Variants in MEPCE observed in about 807,000 individuals in gnomAD.
MEPCE encodes methylphosphate capping enzyme.
In MEPCE, 9 loss-of-function variants were observed where a neutral mutation model predicts 52.3. The observed-to-expected ratio is 0.17, with a 90% confidence interval of 0.10 to 0.30. The LOEUF is 0.30. Among genes scored for constraint, MEPCE ranks in the 10% least tolerant of loss-of-function variants. The pLI is 1.00. For missense variants in MEPCE, 826 were observed against 933.0 expected, an observed-to-expected ratio of 0.89 and a Z score of 1.49; for synonymous variants, 477 against 401.6, an observed-to-expected ratio of 1.19 and a Z score of -2.25.
In MEPCE at chr7:100,433,492, C is replaced by T. The variant is rs772272730; in HGVS notation, c.2018-10C>T. The T allele has an allele frequency of 6.2e-7, 1 of 1,614,076 alleles. No individual in the cohort carries two copies. Among genetic ancestry groups the T allele is most frequent in the Non-Finnish European group, 8.5e-7 (1 of 1,179,990 alleles). The stretch of plus-strand genomic sequence containing the variant: ...TGCCAACCCCTTCTGATCACTCTCT[C>T]TCCCCTCAGGCTTCCAGCGTCCTGT... On this transcript the variant is annotated splice_polypyrimidine_tract_variant and intron_variant, in intron 3 of 3. Transcript: ENST00000310512.
chr7:100,428,914 G>C (rs1163826951), upstream of MEPCE: 3 of 152,422 alleles, frequency 2.0e-5, no homozygotes, highest in Non-Finnish European at 2.9e-5. Flanking sequence ...AGGTGATTGC[G>C]ATTGGGGGAA....
rs1798792072 is a variant in MEPCE at position 100,433,712 on chromosome 7, C to T, written c.*158C>T. On this transcript the variant is annotated 3_prime_UTR_variant, in exon 4 of 4. Transcript: ENST00000310512. ...GCTTTTCTTCCGTCGCTGCCTCAGC[C>T]TCCTCCCTATGCCTCTGGCACCTGC... is the stretch of plus-strand genomic sequence containing the variant. 1.3e-6 allele frequency: 1 copy of T among 747,536 alleles called. No individual in the cohort carries two copies. Among genetic ancestry groups the T allele is most frequent in the Admixed American group, 2.6e-5 (1 of 38,298 alleles). The allele number at this position is 747,536 out of a possible 1,614,324, so 46.3% of individuals were successfully genotyped here.
upstream of MEPCE, chr7:100,429,450 C>T (rs1193702298): frequency 2.0e-5 from 3 of 152,278 alleles, no homozygotes; most frequent in Non-Finnish European, 2.9e-5. Flanking sequence ...GAGACTCATT[C>T]CTCAGGAACA....
At position 100,430,022 on chromosome 7, in the gene MEPCE, A is replaced by G; in HGVS notation, c.4A>G (p.Ile2Val). Residue 2 changes from isoleucine (I) to valine (V), a missense_variant, in exon 1 of 4, where the codon ATC becomes GTC. This residue lies in a region of MEPCE where 314 missense variants were observed against 277.7 expected (regional missense o/e 1.13). Coordinates refer to ENST00000310512, the MANE Select transcript of MEPCE (RefSeq NM_019606.6). The stretch of plus-strand genomic sequence containing the variant: ...TGGCACGGAATAAGGGGAGGAAATG[A>G]TCGAGATGGCGGCGGAGAAGGAGCC... M[I>V]EMAAEKEPFL... is the part of the protein sequence containing the mutation. 4 of 1,269,880 alleles carry G rather than the reference A, an allele frequency of 3.1e-6. No homozygotes were observed. The highest frequency in any genetic ancestry group is 4.0e-6 in the Non-Finnish European group (4 of 1,008,400). The allele number at this position is 1,269,880 out of a possible 1,614,324, so 78.7% of individuals were successfully genotyped here. A position where few individuals can be genotyped will look rare whatever the true frequency, so the allele number is the denominator to read the frequency against.
chr7:100,429,855 G>C lies in MEPCE; in HGVS notation c.-164G>C. 1.9e-6 allele frequency: 1 copy of C among 521,686 alleles called. No homozygotes were observed. The highest frequency in any genetic ancestry group is 3.5e-5 in the East Asian group (1 of 28,490). 32.3% of individuals were successfully genotyped at this position (521,686 alleles called of 1,614,324 possible). On this transcript the variant is annotated 5_prime_UTR_variant, in exon 1 of 4. Coordinates refer to ENST00000310512, the MANE Select transcript of MEPCE (RefSeq NM_019606.6). ...CCTCTTGTTTTGGTCTCGCGGGCTA[G>C]TAGGGCGCACTTGGCGGGGAGGCGC...
rs779123125 is a variant in MEPCE, at chr7:100,431,002, G to T, written c.984G>T (p.Val328=). Reference sequence around the variant, plus strand: ...CAGCCATCAACTGCAGGGATGAAGTGGTGTCTCCCCTTCCATCTGCTCTGC... The same window carrying T: ...CAGCCATCAACTGCAGGGATGAAGTTGTGTCTCCCCTTCCATCTGCTCTGC... ...LNTAINCRDE[V]VSPLPSALQG... The change falls in exon 1 of 4, where the codon GTG becomes GTT. Residue 328 remains valine, a synonymous_variant. Transcript: ENST00000310512. 5.0e-6 allele frequency: 8 copies of T among 1,613,478 alleles called. No homozygotes were observed. The highest frequency in any genetic ancestry group is 1.1e-5 in the South Asian group (1 of 91,038).
In MEPCE at chr7:100,433,089, C is replaced by G; in HGVS notation, c.1842C>G (p.Val614=). The G allele has an allele frequency of 6.2e-7, 1 of 1,614,020 alleles. No individual in the cohort carries two copies. The highest frequency in any genetic ancestry group is 8.5e-7 in the Non-Finnish European group (1 of 1,180,038). Residue 614 remains valine, a synonymous_variant, in exon 2 of 4, where the codon GTC becomes GTG. Transcript: ENST00000310512. ...YRHLRPGGIL[V]LEPQPWSSYG... ...ACCTACGCCCTGGGGGCATCCTGGTCCTAGAGCCCCAACCCTGGTCGTCGT... is the reference window on the plus strand; with the variant it reads ...ACCTACGCCCTGGGGGCATCCTGGTGCTAGAGCCCCAACCCTGGTCGTCGT...
At position 100,431,126 on chromosome 7, in the gene MEPCE, A is replaced by T. The variant is rs1798681261; in HGVS notation, c.1108A>T (p.Ser370Cys). ...SRHRKRRRTSSKSEAGARGGG... is the reference protein window; with the variant it reads ...SRHRKRRRTSCKSEAGARGGG... Reference sequence around the variant, plus strand: ...ACATCGCAAACGTCGCAGGACTTCCAGCAAGTCGGAGGCAGGGGCTAGGGG... The same window carrying T: ...ACATCGCAAACGTCGCAGGACTTCCTGCAAGTCGGAGGCAGGGGCTAGGGG... Residue 370 changes from serine to cysteine, a missense_variant, in exon 1 of 4, where the codon AGC becomes TGC. By Grantham distance (112) the Ser-to-Cys change is moderately radical (BLOSUM62 -1). Transcript: ENST00000310512. 1 of 1,613,694 alleles carries T rather than the reference A, an allele frequency of 6.2e-7. No individual in the cohort carries two copies. The highest frequency in any genetic ancestry group is 2.2e-5 in the East Asian group (1 of 44,884).
chr7:100,431,323 G>C lies in MEPCE; in HGVS notation c.1305G>C (p.Arg435=), dbSNP rs1417722775. The C allele has an allele frequency of 2.5e-6, 4 of 1,614,056 alleles. No homozygotes were observed. Among genetic ancestry groups the C allele is most frequent in the Non-Finnish European group, 2.5e-6 (3 of 1,180,054 alleles). Residue 435 remains arginine, a synonymous_variant, in exon 1 of 4, where the codon CGG becomes CGC. Coordinates refer to ENST00000310512, the MANE Select transcript of MEPCE (RefSeq NM_019606.6). ...RNPSCEDGRL[R]VLKPEWFRGR... is the part of the protein sequence containing the mutation. ...CTTCCTGTGAGGATGGGCGCCTTCGGGTGTTGAAGCCTGAGTGGTTTCGGG... is the reference window on the plus strand; with the variant it reads ...CTTCCTGTGAGGATGGGCGCCTTCGCGTGTTGAAGCCTGAGTGGTTTCGGG...
intron 1 of MEPCE, 104 bp from the exon 2 acceptor site, chr7:100,432,815 G>T: frequency 9.6e-7 from 1 of 1,037,584 alleles, no homozygotes; most frequent in Non-Finnish European, 1.5e-6. Context: ...GTGGCCACGG[G>T]CTAAAGTGAG....
rs757181320 is a variant in MEPCE, at chr7:100,431,366, C to T, written c.1348C>T (p.Leu450=). Residue 450 remains leucine, a synonymous_variant, in exon 1 of 4, where the codon CTG becomes TTG. Coordinates refer to ENST00000310512, the MANE Select transcript of MEPCE (RefSeq NM_019606.6). ...GTTTCGGGGCCGGGACGTCCTAGAT[C>T]TGGGCTGCAATGTGGGCCATCTGAC... The part of the protein sequence containing the change: ...EWFRGRDVLD[L]GCNVGHLTLS... 4 of 1,614,186 alleles carry T rather than the reference C, an allele frequency of 2.5e-6. No individual in the cohort carries two copies. The highest frequency in any genetic ancestry group is 2.2e-5 in the East Asian group (1 of 44,890).
rs1449644756 is a variant in MEPCE at position 100,431,017 on chromosome 7, A to G, written c.999A>G (p.Pro333=). Residue 333 remains proline, a synonymous_variant, in exon 1 of 4, where the codon CCA becomes CCG. Coordinates refer to ENST00000310512, the MANE Select transcript of MEPCE (RefSeq NM_019606.6). ...GGGATGAAGTGGTGTCTCCCCTTCCATCTGCTCTGCAGGGTCCCTCAGGCT... is the reference window on the plus strand; with the variant it reads ...GGGATGAAGTGGTGTCTCCCCTTCCGTCTGCTCTGCAGGGTCCCTCAGGCT... ...NCRDEVVSPL[P]SALQGPSGSL... 2.5e-6 allele frequency: 4 copies of G among 1,613,832 alleles called. No homozygotes were observed. The highest frequency in any genetic ancestry group is 4.5e-5 in the East Asian group (2 of 44,882).
chr7:100,433,789 T>A lies in MEPCE; in HGVS notation c.*235T>A. ...ACCATCATCTTCCTCTCCCCCAGCCTCCCAGGCTGGATGGCATGGACTGTT... is the reference window on the plus strand; with the variant it reads ...ACCATCATCTTCCTCTCCCCCAGCCACCCAGGCTGGATGGCATGGACTGTT... On this transcript the variant is annotated 3_prime_UTR_variant, in exon 4 of 4. Coordinates refer to ENST00000310512, the MANE Select transcript of MEPCE (RefSeq NM_019606.6). The A allele has an allele frequency of 3.5e-6, 2 of 578,650 alleles. No individual in the cohort carries two copies. Among genetic ancestry groups the A allele is most frequent in the Non-Finnish European group, 6.1e-6 (2 of 326,238 alleles). The allele number at this position is 578,650 out of a possible 1,614,324, so 35.8% of individuals were successfully genotyped here.
At position 100,433,545 on chromosome 7, in the gene MEPCE, C is replaced by T. The variant is rs1177283262; in HGVS notation, c.2061C>T (p.Pro687=). 1 of 1,613,012 alleles carries T rather than the reference C, an allele frequency of 6.2e-7. No homozygotes were observed. Among genetic ancestry groups the T allele is most frequent in the Non-Finnish European group, 8.5e-7 (1 of 1,180,014 alleles). Residue 687 remains proline, a synonymous_variant, in exon 4 of 4, where the codon CCC becomes CCT. Transcript: ENST00000310512. The part of the protein sequence containing the change: ...PVYLFHKARS[P]SH ...ACCTGTTCCACAAGGCCCGATCCCC[C>T]AGCCACTAAGTGGCCCCCTAAACAG...
Position 100,430,367 on chromosome 7 carries a change from CG to C in MEPCE, c.353del (p.Gly118GlufsTer38). 1 of 1,441,990 alleles carries C rather than the reference CG, an allele frequency of 6.9e-7. No individual in the cohort carries two copies. Among genetic ancestry groups the C allele is most frequent in the Admixed American group, 2.8e-5 (1 of 36,020 alleles). 89.3% of individuals were successfully genotyped at this position (1,441,990 alleles called of 1,614,324 possible). ...AAPPDVGEER[R>X]GGGGTELGPP... ...TCCCCCGGACGTGGGGGAGGAGCGCCGGGGAGGGGGCGGGACAGAGCTGGGT... is the reference window on the plus strand; with the variant it reads ...TCCCCCGGACGTGGGGGAGGAGCGCCGGGAGGGGGCGGGACAGAGCTGGGT... On this transcript the variant is annotated frameshift_variant, in exon 1 of 4. Coordinates refer to ENST00000310512, the MANE Select transcript of MEPCE (RefSeq NM_019606.6). LOFTEE classifies it high-confidence loss of function.
At position 100,433,146 on chromosome 7, in the gene MEPCE, G is replaced by C. The variant is rs529417621; in HGVS notation, c.1890+9G>C. ...AGAGAAAGACTCTTACAGTGAGTTG[G>C]GTGTTGGGGGAATAGTCATTCCTTT... On this transcript the variant is annotated intron_variant, in intron 2 of 3. Transcript: ENST00000310512. 1 of 1,613,856 alleles carries C rather than the reference G, an allele frequency of 6.2e-7. No individual in the cohort carries two copies. The highest frequency in any genetic ancestry group is 1.3e-5 in the African/African-American group (1 of 75,058).
Position 100,430,483 on chromosome 7 carries a change from A to G in MEPCE, c.465A>G (p.Val155=), listed in dbSNP as rs373454923. ...GCAAGAGGAGAAATAGCTGTAATGT[A>G]GGGGGAGGCGGGGGAGGCTTCAAAC... ...GGGKRRNSCN[V]GGGGGGFKHP... The change falls in exon 1 of 4, where the codon GTA becomes GTG. Residue 155 remains valine (V), a synonymous_variant. Transcript: ENST00000310512. The G allele has an allele frequency of 2.7e-4, 432 of 1,572,008 alleles. 1 individual carries two copies. The highest frequency in any genetic ancestry group is 3.6e-4 in the Non-Finnish European group (416 of 1,161,416).
Position 100,429,974 on chromosome 7 carries a change from C to G in MEPCE, c.-45C>G, listed in dbSNP as rs1485326301. On this transcript the variant is annotated 5_prime_UTR_variant, in exon 1 of 4. Coordinates refer to ENST00000310512, the MANE Select transcript of MEPCE (RefSeq NM_019606.6). ...GTCCAGGCAGGGGGGGTTAGGCCCC[C>G]TGATCCCCCTCGTTACCCCGACTGG... 3 of 1,230,984 alleles carry G rather than the reference C, an allele frequency of 2.4e-6. No homozygotes were observed. Among genetic ancestry groups the G allele is most frequent in the Non-Finnish European group, 3.1e-6 (3 of 982,434 alleles). The allele number at this position is 1,230,984 out of a possible 1,614,324, so 76.3% of individuals were successfully genotyped here. A position where few individuals can be genotyped will look rare whatever the true frequency, so the allele number is the denominator to read the frequency against.
chr7:100,431,508 T>C lies in MEPCE; in HGVS notation c.1490T>C (p.Leu497Pro). The change falls in exon 1 of 4, where the codon CTC becomes CCC. Residue 497 changes from leucine (L) to proline (P), a missense_variant. Physicochemically the swap from Leu to Pro is moderately conservative, Grantham distance 98. Around this residue, in one of 7 missense-constraint regions of MEPCE, gnomAD observed 107 missense variants for 157.9 expected, o/e 0.68. Coordinates refer to ENST00000310512, the MANE Select transcript of MEPCE (RefSeq NM_019606.6). ...CACTACCTTTCCGAGGAGCTGCGTC[T>C]CCCACCCCAGACTTTGGAAGGGGAC... ...IRHYLSEELR[L>P]PPQTLEGDPG... 2.5e-6 allele frequency: 4 copies of C among 1,613,346 alleles called. No homozygotes were observed. The highest frequency in any genetic ancestry group is 3.4e-6 in the Non-Finnish European group (4 of 1,180,020).
Sources: allele counts gnomAD v4.1 joint callset, GRCh38; gene constraint gnomAD v4.1.1; regional missense constraint gnomAD v4.1.1; transcripts MANE v1.5; gene names NCBI Gene and HGNC (gene_info 2026-07-23, HGNC 2026-07-21).